The following C7orf78 variants were observed in gnomAD, a reference collection of about 807,000 sequenced individuals.
C7orf78 encodes the protein chromosome 7 open reading frame 78.
At chr7:12,484,130 A>G in the C7orf78 span, 15 of 152,168 alleles carry the variant, frequency 9.9e-5, no homozygotes, top group Admixed American at 4.6e-4. Context: ...AAATACTTAA[A>G]CACTGTATGT....
At chr7:12,509,564 T>C in the C7orf78 span, among the ~76,000 whole-genome samples, 1 of 152,220 alleles carries the variant, frequency 6.6e-6, no homozygotes, top group Non-Finnish European at 1.5e-5. Flanking sequence ...AATTTATTTC[T>C]TCCATCCTAC....
the C7orf78 span, among the ~76,000 whole-genome samples, chr7:12,497,582 C>G: frequency 5.3e-5 from 8 of 152,184 alleles, no homozygotes; most frequent in Non-Finnish European, 1.0e-4. Flanking sequence ...TCGGAGGGTC[C>G]TACCCCACGG....
At chr7:12,535,182 A>T in the C7orf78 span, among the ~76,000 whole-genome samples, 1 of 152,236 alleles carries the variant, frequency 6.6e-6, no homozygotes, top group South Asian at 2.1e-4. Flanking sequence ...GCATAGGTTT[A>T]TTCATCCATT....
the C7orf78 span, among the ~76,000 whole-genome samples, chr7:12,513,471 A>G: frequency 6.6e-6 from 1 of 152,116 alleles, no homozygotes; most frequent in East Asian, 1.9e-4. Context: ...TTGTATCAAG[A>G]AATTTTTAAA....
the C7orf78 span, among the ~76,000 whole-genome samples, chr7:12,494,545 G>A: frequency 6.6e-6 from 1 of 152,138 alleles, no homozygotes; most frequent in East Asian, 1.9e-4. Flanking sequence ...GACTTGACAA[G>A]CAGCCAAATT....
At chr7:12,507,415 A>C in the C7orf78 span, 1 of 186,148 alleles carries the variant, frequency 5.4e-6, no homozygotes, top group Middle Eastern at 7.6e-4. Context: ...GGCCAGCACT[A>C]AGAAAAAGCC....
the C7orf78 span, among the ~76,000 whole-genome samples, chr7:12,533,412 G>C: frequency 6.6e-6 from 1 of 151,838 alleles, no homozygotes; most frequent in African/African-American, 2.4e-5. Context: ...TGTTGGCCAG[G>C]CTGGTCTCGA....
At chr7:12,520,366 A>G in the C7orf78 span, among the ~76,000 whole-genome samples, 2 of 152,208 alleles carry the variant, frequency 1.3e-5, no homozygotes, top group Admixed American at 6.5e-5. Context: ...ATTGATGCGG[A>G]TATTTATTGC....
At chr7:12,508,355 A>G in the C7orf78 span, among the ~76,000 whole-genome samples, 5 of 152,046 alleles carry the variant, frequency 3.3e-5, no homozygotes, top group African/African-American at 1.2e-4. Flanking sequence ...TTTTTTTTAA[A>G]AAGTTGTACT....
chr7:12,532,586 C>T, the C7orf78 span, among the ~76,000 whole-genome samples: 2 of 151,494 alleles, frequency 1.3e-5, no homozygotes, highest in South Asian at 4.2e-4. Context: ...CTTACTGAAG[C>T]CTCCCATACC....
chr7:12,502,540 C>T, the C7orf78 span, among the ~76,000 whole-genome samples: 3 of 150,050 alleles, frequency 2.0e-5, no homozygotes, highest in African/African-American at 7.3e-5. Context: ...GAGATACCAT[C>T]TCACACCAGT....
At chr7:12,530,763 T>A in the C7orf78 span, among the ~76,000 whole-genome samples, 33,321 of 152,090 alleles carry the variant, frequency 0.22, 4,197 homozygotes, top group African/African-American at 0.33. Flanking sequence ...GACACTCATG[T>A]GAGAAGGCCT....
At chr7:12,495,881 A>T in the C7orf78 span, among the ~76,000 whole-genome samples, 5 of 152,168 alleles carry the variant, frequency 3.3e-5, no homozygotes, top group Admixed American at 1.3e-4. Context: ...TTCATTTGCC[A>T]CAACTTGTTG....
chr7:12,523,675 C>G, the C7orf78 span, among the ~76,000 whole-genome samples: 2 of 152,086 alleles, frequency 1.3e-5, no homozygotes, highest in Non-Finnish European at 2.9e-5. Context: ...GTGGCCAACT[C>G]TGAGATAGGC....
the C7orf78 span, chr7:12,483,367 A>G: frequency 6.6e-6 from 1 of 152,186 alleles, no homozygotes; most frequent in Non-Finnish European, 1.5e-5. Flanking sequence ...ATTTTCTACA[A>G]AGGTTTTCTC....
At chr7:12,502,509 A>C in the C7orf78 span, among the ~76,000 whole-genome samples, 1 of 150,110 alleles carries the variant, frequency 6.7e-6, no homozygotes, top group African/African-American at 2.4e-5. Context: ...CCATCAGAGA[A>C]ATGCAAATCA....
At chr7:12,537,012 C>G in the C7orf78 span, among the ~76,000 whole-genome samples, 1,531 of 152,276 alleles carry the variant, frequency 0.01, 28 homozygotes, top group African/African-American at 0.035. Context: ...CTTCTGAGCC[C>G]TCCAAACTGT....
chr7:12,497,878 T>C, the C7orf78 span, among the ~76,000 whole-genome samples: 10 of 151,018 alleles, frequency 6.6e-5, no homozygotes, highest in African/African-American at 2.5e-4. Context: ...AGCACGCAGC[T>C]GGAGATCTGA....
chr7:12,532,881 C>T, the C7orf78 span, among the ~76,000 whole-genome samples: 2 of 152,048 alleles, frequency 1.3e-5, no homozygotes, highest in African/African-American at 4.8e-5. Flanking sequence ...TCTAGGAGGA[C>T]CACAGGACAG....
Sources: allele counts gnomAD v4.1 joint callset (sites outside exome capture counted in the v4.1 genomes callset), GRCh38; gene constraint gnomAD v4.1.1; transcripts MANE v1.5; gene names NCBI Gene and HGNC (gene_info 2026-07-23, HGNC 2026-07-21).